AHNAK: variants seen among roughly 807,000 people sequenced by gnomAD.
The protein encoded by AHNAK is AHNAK nucleoprotein, also known as neuroblast differentiation-associated protein AHNAK.
In AHNAK, 23 loss-of-function variants were observed where a neutral mutation model predicts 37.8. That is an observed-to-expected ratio of 0.61 (90% CI 0.44 to 0.86). AHNAK has a LOEUF of 0.86. AHNAK is among the 40% of genes least tolerant of loss of function. The probability of loss-of-function intolerance (pLI) is 0.00; values close to 1 mark genes in which losing one functional copy is unlikely to be tolerated. For synonymous variants in AHNAK, 2,481 were observed against 2,636.3 expected, an observed-to-expected ratio of 0.94 and a Z score of 1.80; for missense variants, 7,411 against 7,319.4, an observed-to-expected ratio of 1.01 and a Z score of -0.46.
rs1940786829 is a variant in AHNAK, at chr11:62,532,379, GTT to G, written c.2036_2037del (p.Lys679ThrfsTer2). The G allele has an allele frequency of 6.2e-7, 1 of 1,613,964 alleles. No individual in the cohort carries two copies. The highest frequency in any genetic ancestry group is 1.1e-5 in the South Asian group (1 of 91,084). ...GGCAGCTTAACATCGGGGCCTTTAA[GTT>G]TTCCCCCCAGACCCTCCAAGTTGAC... Reference protein sequence around the residue: ...PDVNLEGLGGKLKGPDVKLPD... With the variant: ...PDVNLEGLGGXLKGPDVKLPD... On this transcript the variant is annotated frameshift_variant, in exon 5 of 5. Transcript: ENST00000378024. LOFTEE classifies it low-confidence loss of function (END_TRUNC).
intron 5 of AHNAK, among the ~76,000 whole-genome samples, chr11:62,440,816 T>C (rs1424855832): frequency 6.6e-6 from 1 of 151,820 alleles, no homozygotes; most frequent in African/African-American, 2.4e-5. Flanking sequence ...ATAGTGGGGG[T>C]TCACATCTGC....
intron 5 of AHNAK, among the ~76,000 whole-genome samples, chr11:62,483,654 C>T (rs1258494976): frequency 2.0e-5 from 3 of 150,538 alleles, no homozygotes; most frequent in Non-Finnish European, 4.4e-5. Context: ...GTCAGGAGAT[C>T]GAGACCATCC....
At position 62,522,362 on chromosome 11, in the gene AHNAK, C is replaced by T; in HGVS notation, c.12055G>A (p.Val4019Met). 6.2e-7 allele frequency: 1 copy of T among 1,613,892 alleles called. No homozygotes were observed. Among genetic ancestry groups the T allele is most frequent in the Non-Finnish European group, 8.5e-7 (1 of 1,179,992 alleles). The change falls in exon 5 of 5, where the codon GTG becomes ATG. Residue 4019 changes from valine (V) to methionine (M), a missense_variant. Transcript: ENST00000378024. ...TCCATCTTAGGCAGAGAAACATCCA[C>T]ATCTCCTTTCACCTTAGGGCCTTTC... Reference protein sequence around the residue: ...HLKGPKVKGDVDVSLPKMEGD... With the variant: ...HLKGPKVKGDMDVSLPKMEGD...
intron 4 of AHNAK, among the ~76,000 whole-genome samples, chr11:62,493,301 A>G (rs1160892294): frequency 6.7e-6 from 1 of 149,726 alleles, no homozygotes; most frequent in East Asian, 2.0e-4. Context: ...AGTGTAAGAC[A>G]TCATGCTCGG....
At chr11:62,434,251 C>A (rs1938112843) in intron 5 of AHNAK, among the ~76,000 whole-genome samples, 1 of 152,158 alleles carries the variant, frequency 6.6e-6, no homozygotes, top group South Asian at 2.1e-4. Flanking sequence ...ACCGTGAAAA[C>A]AGCTGCCACC....
rs1214829300 is a variant in AHNAK, at chr11:62,530,246, T to G, written c.4171A>C (p.Ser1391Arg). Residue 1391 changes from serine (S) to arginine (R), a missense_variant, in exon 5 of 5, where the codon AGC becomes CGC. Coordinates refer to ENST00000378024, the MANE Select transcript of AHNAK (RefSeq NM_001620.3). The part of the protein sequence containing the change: ...KMPKVKMPKF[S>R]MPGFKGEGPE... ...CCCTCTCCTTTGAAGCCGGGCATGCTGAACTTGGGCATTTTCACCTTGGGC... is the reference window on the plus strand; with the variant it reads ...CCCTCTCCTTTGAAGCCGGGCATGCGGAACTTGGGCATTTTCACCTTGGGC... 10 of 1,612,748 alleles carry G rather than the reference T, an allele frequency of 6.2e-6. No homozygotes were observed. The highest frequency in any genetic ancestry group is 1.3e-5 in the African/African-American group (1 of 74,476).
At chr11:62,540,364 A>G (rs1450355057) in intron 1 of AHNAK, among the ~76,000 whole-genome samples, 1 of 152,214 alleles carries the variant, frequency 6.6e-6, no homozygotes, top group Non-Finnish European at 1.5e-5. Flanking sequence ...CCCACTGCCG[A>G]GAGTTTTATG....
chr11:62,446,315 C>A (rs1015971782), intron 5 of AHNAK, among the ~76,000 whole-genome samples: 2 of 152,148 alleles, frequency 1.3e-5, no homozygotes, highest in Admixed American at 1.3e-4. Context: ...GGCTCTCCCC[C>A]TCCACCTGGC....
chr11:62,514,096 A>T (rs1217843964), downstream of AHNAK, among the ~76,000 whole-genome samples: 2 of 152,176 alleles, frequency 1.3e-5, no homozygotes, highest in African/African-American at 4.8e-5. Flanking sequence ...AAAGTTAAAA[A>T]AAAATTTAAT....
At chr11:62,481,659 G>GCTCCGCTTGGCTCACTGCAAA (rs1427910964) in intron 5 of AHNAK, among the ~76,000 whole-genome samples, 1 of 136,066 alleles carries the variant, frequency 7.3e-6, no homozygotes, top group Non-Finnish European at 1.5e-5. Flanking sequence ...CTCACTGCAA[G>GCTCCGCTTGGCTCACTGCAAA]CTCCGCCTCC....
intron 5 of AHNAK, among the ~76,000 whole-genome samples, chr11:62,481,538 T>C (rs1002685235): frequency 2.0e-5 from 3 of 152,114 alleles, no homozygotes; most frequent in Non-Finnish European, 4.4e-5. Context: ...CCTCAGCTTC[T>C]AGCAAGTCAC....
chr11:62,529,526 C>T lies in AHNAK; in HGVS notation c.4891G>A (p.Gly1631Ser), dbSNP rs115000832. ...GGGCCCTTCAACTTCCCTTCTGGAC[C>T]TTCAATATCAATATCACCAACATTC... ...DVNVGDIDIEGPEGKLKGPKF... is the reference protein window; with the variant it reads ...DVNVGDIDIESPEGKLKGPKF... Residue 1631 changes from glycine (G) to serine (S), a missense_variant, in exon 5 of 5, where the codon GGT becomes AGT. Transcript: ENST00000378024. The T allele has an allele frequency of 1.2e-3, 1,977 of 1,614,098 alleles. 16 individuals are homozygous for T. The African/African-American group carries it at 0.019, about 16-fold the overall frequency.
intron 5 of AHNAK, among the ~76,000 whole-genome samples, chr11:62,451,607 G>A (rs971273356): frequency 1.2e-4 from 18 of 151,946 alleles, no homozygotes; most frequent in East Asian, 1.2e-3. Context: ...GCATAGTGGC[G>A]TGAGCCTGTA....
intron 1 of AHNAK, among the ~76,000 whole-genome samples, chr11:62,544,194 A>G (rs575458636): frequency 3.9e-5 from 6 of 152,262 alleles, no homozygotes; most frequent in African/African-American, 1.4e-4. Flanking sequence ...CCTGAGGGCT[A>G]AGATGACTCC....
Position 62,533,563 on chromosome 11 carries a change from C to A in AHNAK, c.854G>T (p.Gly285Val). The A allele has an allele frequency of 6.2e-7, 1 of 1,614,152 alleles. No homozygotes were observed. Among genetic ancestry groups the A allele is most frequent in the Non-Finnish European group, 8.5e-7 (1 of 1,180,032 alleles). The change falls in exon 5 of 5, where the codon GGG (glycine) becomes GTG (valine). Residue 285 changes from glycine to valine, a missense_variant. Transcript: ENST00000378024. ...VPAVDISSSL[G>V]GRAVEVQGPS... is the part of the protein sequence containing the mutation. ...GCCCTGTACCTCTACTGCCCTACCC[C>A]CAAGAGAAGATGAAATGTCCACTGC...
rs376745712 is a variant in AHNAK at position 62,530,194 on chromosome 11, T to A, written c.4223A>T (p.Lys1408Ile). 1.9e-6 allele frequency: 3 copies of A among 1,612,584 alleles called. No individual in the cohort carries two copies. Among genetic ancestry groups the A allele is most frequent in the African/African-American group, 2.7e-5 (2 of 74,390 alleles). Residue 1408 changes from lysine to isoleucine, a missense_variant, in exon 5 of 5, where the codon AAA (lysine) becomes ATA (isoleucine). Physicochemically the swap from Lys to Ile is moderately radical, Grantham distance 102. Coordinates refer to ENST00000378024, the MANE Select transcript of AHNAK (RefSeq NM_001620.3). ...GGGTCCTGAGACATCAACGTCAGCT[T>A]TGGGCAGCTTCACATCCACTTCAGG... ...EGPEVDVKLPKADVDVSGPKM... is the reference protein window; with the variant it reads ...EGPEVDVKLPIADVDVSGPKM...
At chr11:62,486,320 C>CA (rs1939392245) in intron 5 of AHNAK, among the ~76,000 whole-genome samples, 1 of 151,658 alleles carries the variant, frequency 6.6e-6, no homozygotes, top group South Asian at 2.1e-4. Context: ...ACTAAAAATA[C>CA]AAAATTAGCA....
Position 62,519,548 on chromosome 11 carries a change from G to A in AHNAK, c.14869C>T (p.His4957Tyr). 6.2e-7 allele frequency: 1 copy of A among 1,611,998 alleles called. No individual in the cohort carries two copies. Among genetic ancestry groups the A allele is most frequent in the East Asian group, 2.2e-5 (1 of 44,844 alleles). ...PKVEAPSLDVHMDSPDINIEG... is the reference protein window; with the variant it reads ...PKVEAPSLDVYMDSPDINIEG... ...ATGTTAATATCTGGGCTGTCCATGT[G>A]TACATCTAAGCTTGGAGCTTCAACT... Residue 4957 changes from histidine to tyrosine, a missense_variant, in exon 5 of 5, where the codon CAC (histidine) becomes TAC (tyrosine). Physicochemically the swap from His to Tyr is moderately conservative, Grantham distance 83 (BLOSUM62 2). Coordinates refer to ENST00000378024, the MANE Select transcript of AHNAK (RefSeq NM_001620.3).
At chr11:62,505,357 A>G (rs1939791485) in intron 4 of AHNAK, among the ~76,000 whole-genome samples, 1 of 152,126 alleles carries the variant, frequency 6.6e-6, no homozygotes, top group South Asian at 2.1e-4. Context: ...AGTTCGGCCA[A>G]TGGGGTGTGG....
Sources: gnomAD v4.1 joint callset for allele counts (sites outside exome capture counted in the v4.1 genomes callset) on GRCh38, gnomAD v4.1.1 for gene constraint, MANE v1.5 for transcripts, NCBI Gene and HGNC (gene_info 2026-07-23, HGNC 2026-07-21) for gene names.